Variants in FER observed in about 807,000 individuals in gnomAD.
FER encodes the protein FER tyrosine kinase, also known as tyrosine-protein kinase Fer.
Under a neutral mutation model 111.0 loss-of-function variants are expected in FER, and 63 were observed. The observed-to-expected ratio is 0.57, with a 90% confidence interval of 0.46 to 0.70. The LOEUF is 0.70. Among genes scored for constraint, FER ranks in the 30% least tolerant of loss-of-function variants. The probability of loss-of-function intolerance (pLI) is 0.00; values close to 1 mark genes in which losing one functional copy is unlikely to be tolerated. For missense variants in FER, 914 were observed against 954.0 expected (o/e 0.96, Z 0.55); for synonymous variants, 327 against 313.9 (o/e 1.04, Z -0.44).
intron 16 of FER, among the ~76,000 whole-genome samples, chr5:109,076,084 C>T (rs1776305408): frequency 6.6e-6 from 1 of 151,938 alleles, no homozygotes; most frequent in African/African-American, 2.4e-5. Flanking sequence ...AGCTTTATAA[C>T]ACCCACCTAC....
At chr5:109,071,550 C>T (rs1398889258) in intron 16 of FER, among the ~76,000 whole-genome samples, 1 of 151,840 alleles carries the variant, frequency 6.6e-6, no homozygotes, top group Admixed American at 6.6e-5. Flanking sequence ...TCCTATTATG[C>T]TTGAAAATAT....
chr5:109,096,674 G>C (rs1175865713), intron 16 of FER, among the ~76,000 whole-genome samples: 2 of 151,578 alleles, frequency 1.3e-5, no homozygotes, highest in Non-Finnish European at 2.9e-5. Context: ...CTTAAGATTT[G>C]TGCCTATTCC....
intron 5 of FER, among the ~76,000 whole-genome samples, chr5:108,858,667 T>C (rs1468882120): frequency 6.6e-6 from 1 of 152,086 alleles, no homozygotes. Flanking sequence ...CTTTCTTTCT[T>C]ACACAAAACT....
chr5:109,150,496 T>C (rs1754716541), intron 17 of FER, among the ~76,000 whole-genome samples: 1 of 152,180 alleles, frequency 6.6e-6, no homozygotes, highest in African/African-American at 2.4e-5. Context: ...TATGATTGTT[T>C]ACATAGCTAC....
chr5:108,873,882 C>G (rs937146611), intron 8 of FER, among the ~76,000 whole-genome samples: 2 of 152,124 alleles, frequency 1.3e-5, no homozygotes, highest in Non-Finnish European at 2.9e-5. Flanking sequence ...CTGAGAGACT[C>G]TGCTTTAAAC....
chr5:109,170,299 T>C (rs1043759179), intron 17 of FER, among the ~76,000 whole-genome samples: 2 of 152,136 alleles, frequency 1.3e-5, no homozygotes, highest in Non-Finnish European at 2.9e-5. Context: ...TCATCTTAAA[T>C]GGGAAAGAAA....
intron 13 of FER, among the ~76,000 whole-genome samples, chr5:109,029,202 T>A (rs1769214244): frequency 2.0e-5 from 3 of 150,894 alleles, no homozygotes; most frequent in African/African-American, 4.9e-5. Flanking sequence ...TGGTTTTACC[T>A]ACGTCCTTTT....
chr5:108,911,524 C>T (rs930453793), intron 10 of FER, among the ~76,000 whole-genome samples: 2 of 152,120 alleles, frequency 1.3e-5, no homozygotes, highest in African/African-American at 4.8e-5. Flanking sequence ...GGGTTGTTGT[C>T]ATAAATTCTT....
chr5:108,835,159 G>T, intron 4 of FER, among the ~76,000 whole-genome samples: 1 of 143,168 alleles, frequency 7.0e-6, no homozygotes, highest in African/African-American at 2.7e-5. Context: ...TTAGATAATG[G>T]CAGTGTTATT....
At chr5:108,811,898 A>G (rs1403257919) in intron 3 of FER, among the ~76,000 whole-genome samples, 2 of 152,112 alleles carry the variant, frequency 1.3e-5, no homozygotes, top group Non-Finnish European at 2.9e-5. Context: ...CTGTCAATAG[A>G]TTCGATAATG....
intron 1 of FER, among the ~76,000 whole-genome samples, chr5:108,757,513 CT>C (rs1751250688): frequency 6.6e-6 from 1 of 152,076 alleles, no homozygotes; most frequent in African/African-American, 2.4e-5. Context: ...TTCAGTGAGT[CT>C]TTGATCTTGA....
intron 13 of FER, among the ~76,000 whole-genome samples, chr5:108,974,363 G>A (rs571800618): frequency 2.0e-4 from 31 of 152,174 alleles, no homozygotes; most frequent in Non-Finnish European, 3.8e-4. Flanking sequence ...AACTGCACTG[G>A]TGAAGGGCCT....
intron 16 of FER, among the ~76,000 whole-genome samples, chr5:109,070,111 A>T (rs1775593334): frequency 6.7e-6 from 1 of 150,114 alleles, no homozygotes; most frequent in Non-Finnish European, 1.5e-5. Context: ...TTACATGATA[A>T]CCTTTTTAAT....
chr5:108,844,371 G>A (rs992324361), intron 5 of FER, among the ~76,000 whole-genome samples: 2 of 152,018 alleles, frequency 1.3e-5, no homozygotes, highest in African/African-American at 2.4e-5. Context: ...TTACAAAAAT[G>A]TCCTTTATAA....
At chr5:109,056,315 A>C (rs1394093531) in intron 16 of FER, among the ~76,000 whole-genome samples, 1 of 152,242 alleles carries the variant, frequency 6.6e-6, no homozygotes, top group African/African-American at 2.4e-5. Context: ...ATACGGAAAA[A>C]AACTAAATGT....
At chr5:109,043,755 G>C (rs191130204) in intron 14 of FER, among the ~76,000 whole-genome samples, 1 of 152,084 alleles carries the variant, frequency 6.6e-6, no homozygotes, top group Non-Finnish European at 1.5e-5. Flanking sequence ...GGCGGATCAC[G>C]AGGTCAAGAG....
At chr5:108,854,368 C>G (rs1251135310) in intron 5 of FER, among the ~76,000 whole-genome samples, 1 of 152,122 alleles carries the variant, frequency 6.6e-6, no homozygotes, top group African/African-American at 2.4e-5. Context: ...AGTGAAATCA[C>G]CAACAAAATT....
At chr5:108,768,276 C>G (rs1035157200) in intron 2 of FER, 38 bp downstream of exon 2, 1 of 152,044 alleles carries the variant, frequency 6.6e-6, no homozygotes, top group Non-Finnish European at 1.5e-5. Context: ...GTTACTAAAC[C>G]GTTTTTTATT....
chr5:108,801,328 A>G (rs559052233), intron 3 of FER, among the ~76,000 whole-genome samples: 3 of 152,168 alleles, frequency 2.0e-5, no homozygotes, highest in African/African-American at 7.2e-5. Flanking sequence ...GTCTATTTTT[A>G]TACTCTTTAT....
Sources: gnomAD v4.1 joint callset for allele counts (sites outside exome capture counted in the v4.1 genomes callset) on GRCh38, gnomAD v4.1.1 for gene constraint, MANE v1.5 for transcripts, NCBI Gene and HGNC (gene_info 2026-07-23, HGNC 2026-07-21) for gene names.